CPEB3: variants seen among roughly 807,000 people sequenced by gnomAD.
CPEB3 encodes cytoplasmic polyadenylation element-binding protein 3.
In CPEB3, 20 loss-of-function variants were observed where a neutral mutation model predicts 67.2. That is an observed-to-expected ratio of 0.30 (90% CI 0.21 to 0.43). The LOEUF (loss-of-function observed/expected upper bound fraction) is 0.43. Ranked by LOEUF, CPEB3 falls within the 20% of genes least tolerant of loss-of-function variation. The pLI, the probability that CPEB3 is intolerant of heterozygous loss-of-function variation, is 1.00. For synonymous variants in CPEB3, 376 were observed against 393.1 expected, an observed-to-expected ratio of 0.96 and a Z score of 0.51; for missense variants, 746 against 968.6, an observed-to-expected ratio of 0.77 and a Z score of 3.05.
In CPEB3 at chr10:92,162,973, T is replaced by C. The variant is rs181667885; in HGVS notation, c.1223-17888A>G. ...CCCCAATTATCAACATCCCCCACCA[T>C]AGTATATTTGTAAAAACTGATGAAC... On this transcript the variant is annotated intron_variant, in intron 4 of 9. Transcript: ENST00000265997. Among the ~76,000 whole-genome samples the C allele has an allele frequency of 2.4e-4, 37 of 152,266 alleles. No individual in the cohort carries two copies. In the South Asian group the frequency reaches 4.2e-3, roughly 17 times the overall value.
intron 1 of CPEB3, among the ~76,000 whole-genome samples, chr10:92,253,380 A>AACCC (rs1402203145): frequency 6.6e-6 from 1 of 150,788 alleles, no homozygotes; most frequent in Non-Finnish European, 1.5e-5. Flanking sequence ...GAATCACTTG[A>AACCC]ACCCGAGAGG....
intron 1 of CPEB3, among the ~76,000 whole-genome samples, chr10:92,289,929 G>A (rs984710450): frequency 9.4e-6 from 1 of 106,788 alleles, no homozygotes; most frequent in Non-Finnish European, 1.8e-5. Flanking sequence ...TGTGTGTGGT[G>A]GGGGGGGGTG....
chr10:92,184,491 G>A (rs564273646), intron 3 of CPEB3, among the ~76,000 whole-genome samples: 2 of 152,198 alleles, frequency 1.3e-5, no homozygotes, highest in Non-Finnish European at 2.9e-5. Flanking sequence ...TGTAGTCCCC[G>A]CTACTCGGGA....
intron 2 of CPEB3, among the ~76,000 whole-genome samples, chr10:92,200,469 C>T (rs1214592017): frequency 6.9e-6 from 1 of 145,462 alleles, no homozygotes; most frequent in Non-Finnish European, 1.5e-5. Context: ...TGCTTAAACC[C>T]GGGAGGCAGA....
intron 2 of CPEB3, among the ~76,000 whole-genome samples, chr10:92,207,535 C>A (rs1849851381): frequency 6.6e-6 from 1 of 152,140 alleles, no homozygotes; most frequent in Admixed American, 6.5e-5. Context: ...CTTTTATAGG[C>A]TTTTGCGAGG....
At chr10:92,154,936 C>T (rs1847133324) in intron 4 of CPEB3, among the ~76,000 whole-genome samples, 1 of 152,290 alleles carries the variant, frequency 6.6e-6, no homozygotes, top group South Asian at 2.1e-4. Flanking sequence ...CCAACATGGC[C>T]AGATGTGGTG....
At chr10:92,249,847 C>G (rs1172822633) in intron 1 of CPEB3, among the ~76,000 whole-genome samples, 3 of 151,012 alleles carry the variant, frequency 2.0e-5, no homozygotes, top group African/African-American at 7.3e-5. Context: ...ATGGTGAAAC[C>G]CTGTCTCTAC....
chr10:92,138,205 G>C (rs878971073), intron 6 of CPEB3: 1 of 221,344 alleles, frequency 4.5e-6, no homozygotes, highest in African/African-American at 2.3e-5. Flanking sequence ...TATCAACTGT[G>C]ACCTTCCCAC....
At chr10:92,246,210 T>C (rs1426272536) in intron 1 of CPEB3, among the ~76,000 whole-genome samples, 1 of 144,258 alleles carries the variant, frequency 6.9e-6, no homozygotes, top group Non-Finnish European at 1.5e-5. Context: ...GGCAGGCGCC[T>C]GTAGTCCTGG....
At chr10:92,281,572 G>C (rs568243268) in intron 1 of CPEB3, among the ~76,000 whole-genome samples, 1 of 152,190 alleles carries the variant, frequency 6.6e-6, no homozygotes, top group South Asian at 2.1e-4. Flanking sequence ...GGTAAAAATA[G>C]TGTGCCACAA....
chr10:92,124,611 T>C (rs1845530929), intron 6 of CPEB3, among the ~76,000 whole-genome samples: 1 of 152,148 alleles, frequency 6.6e-6, no homozygotes, highest in Non-Finnish European at 1.5e-5. Context: ...CCTGATTTTT[T>C]TTTTTCTTAA....
chr10:92,216,416 G>A, intron 2 of CPEB3: 2 of 1,612,834 alleles, frequency 1.2e-6, no homozygotes, highest in South Asian at 1.1e-5. Flanking sequence ...GGAGCTGCTG[G>A]TCAACCAGAA....
At chr10:92,193,440 A>C (rs1590351581) in intron 2 of CPEB3, among the ~76,000 whole-genome samples, 1 of 149,802 alleles carries the variant, frequency 6.7e-6, no homozygotes, top group African/African-American at 2.4e-5. Context: ...TGTTCCCCCC[A>C]CCCCACCCCA....
chr10:92,107,561 A>T (rs1226034101), intron 7 of CPEB3, among the ~76,000 whole-genome samples: 3 of 152,204 alleles, frequency 2.0e-5, no homozygotes, highest in African/African-American at 7.2e-5. Flanking sequence ...CTTCAGGTTC[A>T]ATCTATTAAT....
intron 2 of CPEB3, among the ~76,000 whole-genome samples, chr10:92,198,393 G>T (rs1482906421): frequency 6.6e-6 from 1 of 152,184 alleles, no homozygotes; most frequent in Non-Finnish European, 1.5e-5. Context: ...CTTGGTCAAT[G>T]ACCTTTGCTC....
At chr10:92,163,376 G>A (rs1396349593) in intron 4 of CPEB3, among the ~76,000 whole-genome samples, 1 of 152,102 alleles carries the variant, frequency 6.6e-6, no homozygotes, top group South Asian at 2.1e-4. Context: ...GGAGGTTGCA[G>A]TGAGCCAAGA....
intron 7 of CPEB3, 138 bp downstream of exon 7, chr10:92,110,938 C>T (rs1280515760): frequency 1.1e-5 from 8 of 709,156 alleles, no homozygotes; most frequent in Non-Finnish European, 1.8e-5. Flanking sequence ...CAACGAAAGT[C>T]CAACTCTACT....
intron 3 of CPEB3, among the ~76,000 whole-genome samples, chr10:92,187,739 C>T (rs763967170): frequency 1.3e-5 from 2 of 151,944 alleles, no homozygotes; most frequent in Non-Finnish European, 2.9e-5. Flanking sequence ...GAATCTTTTT[C>T]GTTATCTCTT....
At chr10:92,074,633 G>A (rs1842871853) in intron 9 of CPEB3, among the ~76,000 whole-genome samples, 1 of 152,148 alleles carries the variant, frequency 6.6e-6, no homozygotes, top group Non-Finnish European at 1.5e-5. Context: ...GCCAGCTGTG[G>A]CTGGCTCAAG....
Sources: gnomAD v4.1 joint callset for allele counts (sites outside exome capture counted in the v4.1 genomes callset) on GRCh38, gnomAD v4.1.1 for gene constraint, MANE v1.5 for transcripts, NCBI Gene and HGNC (gene_info 2026-07-23, HGNC 2026-07-21) for gene names.